GTF2E1: variants seen among roughly 807,000 people sequenced by gnomAD.
The protein encoded by GTF2E1 is general transcription factor IIE subunit 1.
GTF2E1 carries 14 observed loss-of-function variants against 34.9 expected under a neutral mutation model. The observed-to-expected ratio is 0.40, with a 90% confidence interval of 0.27 to 0.63. GTF2E1 has a LOEUF of 0.63. Among genes scored for constraint, GTF2E1 ranks in the 20% least tolerant of loss-of-function variants. GTF2E1 has a pLI of 0.39. For missense variants in GTF2E1, 469 were observed against 557.7 expected, an observed-to-expected ratio of 0.84 and a Z score of 1.60; for synonymous variants, 188 against 192.9, an observed-to-expected ratio of 0.97 and a Z score of 0.21.
At chr3:120,744,011 GT>G (rs1464248597) in intron 1 of GTF2E1, among the ~76,000 whole-genome samples, 1 of 152,088 alleles carries the variant, frequency 6.6e-6, no homozygotes, top group Non-Finnish European at 1.5e-5. Flanking sequence ...GTCCTAGGAG[GT>G]CCCACGCTCA....
chr3:120,744,421 A>C (rs1709086885), intron 1 of GTF2E1, among the ~76,000 whole-genome samples: 1 of 152,154 alleles, frequency 6.6e-6, no homozygotes, highest in African/African-American at 2.4e-5. Flanking sequence ...CTCTAGTTTC[A>C]TTTGTTCAGC....
At chr3:120,747,977 G>A (rs1464759350) in intron 1 of GTF2E1, among the ~76,000 whole-genome samples, 1 of 151,912 alleles carries the variant, frequency 6.6e-6, no homozygotes, top group Non-Finnish European at 1.5e-5. Context: ...TTGTGGTTTT[G>A]ATTTGCATTT....
intron 2 of GTF2E1, among the ~76,000 whole-genome samples, chr3:120,761,276 C>T (rs191682506): frequency 5.2e-4 from 79 of 152,170 alleles, no homozygotes; most frequent in Non-Finnish European, 9.1e-4. Flanking sequence ...TCCCCTTTAT[C>T]GTTTTTTATT....
Position 120,750,825 on chromosome 3 carries a change from C to T in GTF2E1, c.273C>T (p.Tyr91=). The T allele has an allele frequency of 1.2e-6, 2 of 1,614,046 alleles. No individual in the cohort carries two copies. The highest frequency in any genetic ancestry group is 1.6e-4 in the Middle Eastern group (1 of 6,062). The change falls in exon 2 of 5, where the codon TAC becomes TAT. Residue 91 remains tyrosine, a synonymous_variant. Coordinates refer to ENST00000283875, the MANE Select transcript of GTF2E1 (RefSeq NM_005513.3). The part of the protein sequence containing the change: ...AADGKTTRHN[Y]YFINYRTLVN... Reference sequence around the variant, plus strand: ...ACGGGAAAACCACTCGCCATAACTACTACTTCATCAATTATCGTACTCTTG... The same window carrying T: ...ACGGGAAAACCACTCGCCATAACTATTACTTCATCAATTATCGTACTCTTG...
chr3:120,767,655 A>G (rs1214578446), intron 2 of GTF2E1, among the ~76,000 whole-genome samples: 5 of 152,130 alleles, frequency 3.3e-5, no homozygotes, highest in African/African-American at 9.7e-5. Flanking sequence ...TTCTGCCAGT[A>G]TCCATGAAAC....
intron 2 of GTF2E1, among the ~76,000 whole-genome samples, chr3:120,754,191 C>G (rs2331541): frequency 0.48 from 73,069 of 151,966 alleles, 18,910 homozygotes; most frequent in Non-Finnish European, 0.59. Context: ...TCCTGAAGGG[C>G]AGAGGGGGAT....
At chr3:120,761,291 C>G (rs1265149959) in intron 2 of GTF2E1, among the ~76,000 whole-genome samples, 4 of 152,148 alleles carry the variant, frequency 2.6e-5, no homozygotes, top group Middle Eastern at 3.4e-3. Context: ...TTTATTGCAT[C>G]TATTTGATTC....
intron 1 of GTF2E1, among the ~76,000 whole-genome samples, chr3:120,746,949 A>G (rs1337515583): frequency 6.6e-6 from 1 of 152,196 alleles, no homozygotes; most frequent in Non-Finnish European, 1.5e-5. Context: ...ATTAATCACA[A>G]CAACTCCACT....
intron 1 of GTF2E1, among the ~76,000 whole-genome samples, chr3:120,747,454 G>A (rs188470961): frequency 1.0e-3 from 158 of 152,160 alleles, no homozygotes; most frequent in Admixed American, 2.9e-3. Context: ...GTGTCCATGT[G>A]TTCTCATTGT....
At chr3:120,778,890 AG>A (rs1347039449) in intron 4 of GTF2E1, among the ~76,000 whole-genome samples, 3 of 152,166 alleles carry the variant, frequency 2.0e-5, no homozygotes, top group Non-Finnish European at 4.4e-5. Flanking sequence ...TTGCTGAAAT[AG>A]AAATAGATCT....
At chr3:120,748,683 G>A (rs1021605986) in intron 1 of GTF2E1, among the ~76,000 whole-genome samples, 24 of 152,296 alleles carry the variant, frequency 1.6e-4, no homozygotes, top group Admixed American at 1.2e-3. Flanking sequence ...GTCAGGTAGC[G>A]TGATGCCTCC....
intron 3 of GTF2E1, among the ~76,000 whole-genome samples, chr3:120,774,991 G>A (rs1449710141): frequency 6.6e-6 from 1 of 152,162 alleles, no homozygotes; most frequent in African/African-American, 2.4e-5. Flanking sequence ...GACAGGATAG[G>A]TGGGATGAGC....
intron 1 of GTF2E1, among the ~76,000 whole-genome samples, chr3:120,748,612 C>G (rs1285789849): frequency 6.6e-6 from 1 of 152,038 alleles, no homozygotes; most frequent in African/African-American, 2.4e-5. Flanking sequence ...TGGTCTATAT[C>G]TCTGTTTTGG....
chr3:120,755,495 T>A (rs1017304658), intron 2 of GTF2E1, among the ~76,000 whole-genome samples: 1 of 152,154 alleles, frequency 6.6e-6, no homozygotes, highest in Non-Finnish European at 1.5e-5. Flanking sequence ...TTAAAAGAAA[T>A]TTTTTGTGGC....
intron 1 of GTF2E1, among the ~76,000 whole-genome samples, chr3:120,743,927 G>A (rs944805391): frequency 6.6e-6 from 1 of 152,146 alleles, no homozygotes; most frequent in Non-Finnish European, 1.5e-5. Context: ...AAATACACGT[G>A]GGTCTGGGCT....
chr3:120,744,511 C>G (rs1245764071), intron 1 of GTF2E1, among the ~76,000 whole-genome samples: 1 of 152,176 alleles, frequency 6.6e-6, no homozygotes, highest in African/African-American at 2.4e-5. Context: ...TCATTTCTTC[C>G]TGCTCCTCGT....
intron 4 of GTF2E1, among the ~76,000 whole-genome samples, chr3:120,777,082 T>C (rs1490557307): frequency 3.3e-5 from 5 of 152,120 alleles, no homozygotes; most frequent in Non-Finnish European, 7.3e-5. Flanking sequence ...TACCAAGGAG[T>C]GTATGCTACC....
At chr3:120,766,393 GAATAAAGTCAA>G (rs1332513815) in intron 2 of GTF2E1, among the ~76,000 whole-genome samples, 1 of 152,106 alleles carries the variant, frequency 6.6e-6, no homozygotes, top group Non-Finnish European at 1.5e-5. Context: ...TATTACTAAA[GAATAAAGTCAA>G]AATGAAGCTT....
rs779242462 is a variant in GTF2E1 at position 120,776,544 on chromosome 3, A to T, written c.772A>T (p.Met258Leu). The T allele has an allele frequency of 3.1e-6, 5 of 1,613,968 alleles. No individual in the cohort carries two copies. In the African/African-American group the frequency reaches 5.3e-5, roughly 17 times the overall value. Residue 258 changes from methionine (M) to leucine (L), a missense_variant, in exon 4 of 5, where the codon ATG (methionine) becomes TTG (leucine). By Grantham distance (15) the Met-to-Leu change is conservative (BLOSUM62 2). Transcript: ENST00000283875. ...DLYTQNVVIN[M>L]DDQEDLHRAS... Reference sequence around the variant, plus strand: ...ATACACTCAGAATGTTGTCATTAACATGGATGACCAAGAAGATCTTCATCG... The same window carrying T: ...ATACACTCAGAATGTTGTCATTAACTTGGATGACCAAGAAGATCTTCATCG...
Sources: gnomAD v4.1 joint callset for allele counts (sites outside exome capture counted in the v4.1 genomes callset) on GRCh38, gnomAD v4.1.1 for gene constraint, MANE v1.5 for transcripts, NCBI Gene and HGNC (gene_info 2026-07-23, HGNC 2026-07-21) for gene names.